The following CTNND2 variants were observed in gnomAD, a reference collection of about 807,000 sequenced individuals.
The protein encoded by CTNND2 is catenin delta 2.
Under a neutral mutation model 144.4 loss-of-function variants are expected in CTNND2, and 22 were observed. The observed-to-expected ratio is 0.15, with a 90% CI of 0.11 to 0.22. The LOEUF (loss-of-function observed/expected upper bound fraction) is 0.22. CTNND2 is among the 10% of genes least tolerant of loss of function. The probability of loss-of-function intolerance (pLI) is 1.00; values close to 1 mark genes in which losing one functional copy is unlikely to be tolerated. For synonymous variants in CTNND2, 751 were observed against 695.6 expected, an observed-to-expected ratio of 1.08 and a Z score of -1.25; for missense variants, 1,353 against 1,618.8, an observed-to-expected ratio of 0.84 and a Z score of 2.82.
At chr5:11,398,645 G>GAAGA (rs1020284266) in intron 5 of CTNND2, among the ~76,000 whole-genome samples, 2 of 152,014 alleles carry the variant, frequency 1.3e-5, no homozygotes, top group African/African-American at 4.8e-5. Flanking sequence ...ACTTCATCAT[G>GAAGA]AAGGGTGTAA....
At chr5:11,459,253 G>A (rs999668676) in intron 3 of CTNND2, among the ~76,000 whole-genome samples, 2 of 152,110 alleles carry the variant, frequency 1.3e-5, no homozygotes. Context: ...CAATGCTGTC[G>A]ATGATGAAAA....
intron 1 of CTNND2, among the ~76,000 whole-genome samples, chr5:11,794,907 A>T (rs1368405168): frequency 6.6e-6 from 1 of 152,042 alleles, no homozygotes; most frequent in Admixed American, 6.6e-5. Context: ...AACACAAAAA[A>T]CTCATGGTAT....
intron 16 of CTNND2, chr5:11,027,408 C>T (rs1161259999): frequency 3.9e-5 from 6 of 152,188 alleles, no homozygotes; most frequent in Non-Finnish European, 8.8e-5. Context: ...TTTCTTGCTA[C>T]AGTTCCCAAT....
At chr5:11,092,754 T>C (rs1750897608) in intron 15 of CTNND2, among the ~76,000 whole-genome samples, 1 of 152,228 alleles carries the variant, frequency 6.6e-6, no homozygotes, top group Non-Finnish European at 1.5e-5. Flanking sequence ...AAAACTCTGT[T>C]TCTTTACATT....
intron 16 of CTNND2, among the ~76,000 whole-genome samples, chr5:11,065,375 C>T (rs1483286086): frequency 6.6e-6 from 1 of 152,244 alleles, no homozygotes; most frequent in African/African-American, 2.4e-5. Context: ...AGCACAGTCA[C>T]ACATATGTGT....
chr5:11,562,073 G>A (rs1234847283), intron 3 of CTNND2, among the ~76,000 whole-genome samples: 1 of 151,940 alleles, frequency 6.6e-6, no homozygotes, highest in Admixed American at 6.6e-5. Flanking sequence ...GAGAGATCTT[G>A]GGAATCAGAT....
intron 3 of CTNND2, among the ~76,000 whole-genome samples, chr5:11,444,212 C>T (rs1020971652): frequency 1.3e-5 from 2 of 152,150 alleles, no homozygotes; most frequent in Admixed American, 1.3e-4. Flanking sequence ...AATTACTGGG[C>T]TGCTGGAGAA....
intron 3 of CTNND2, among the ~76,000 whole-genome samples, chr5:11,459,116 C>T (rs78730448): frequency 0.031 from 4,704 of 152,094 alleles, 253 homozygotes; most frequent in African/African-American, 0.11. Flanking sequence ...GAAAATTAAA[C>T]GAGACAATAC....
intron 1 of CTNND2, among the ~76,000 whole-genome samples, chr5:11,818,929 C>T (rs1196151863): frequency 6.6e-6 from 1 of 152,036 alleles, no homozygotes; most frequent in African/African-American, 2.4e-5. Flanking sequence ...GGGAAGCAGG[C>T]ACCATGTGTC....
chr5:11,536,661 T>C (rs1774242620), intron 3 of CTNND2, among the ~76,000 whole-genome samples: 1 of 151,982 alleles, frequency 6.6e-6, no homozygotes. Flanking sequence ...CACTTGCAAG[T>C]TGGAGTTAAG....
rs547329207 is a variant in CTNND2, at chr5:11,541,840, C to G, written c.287+23104G>C. On this transcript the variant is annotated intron_variant, in intron 3 of 21. Transcript: ENST00000304623. ...TGTCAACTTATTATTTATTATCGAC[C>G]CCCCCCCCCCGGCCAAAAGCCTTTT... Among the ~76,000 whole-genome samples the G allele has an allele frequency of 8.2e-3, 728 of 88,370 alleles. 21 individuals are homozygous for G. The highest frequency in any genetic ancestry group is 0.027 in the African/African-American group (683 of 25,612). 58.0% of individuals were successfully genotyped at this position (88,370 alleles called of 152,430 possible).
intron 10 of CTNND2, among the ~76,000 whole-genome samples, chr5:11,215,048 T>G (rs959882014): frequency 2.0e-5 from 3 of 152,240 alleles, no homozygotes; most frequent in Admixed American, 6.5e-5. Context: ...TCCACAGGGC[T>G]GAGAGGAGTG....
chr5:11,089,083 T>A (rs934061176), intron 15 of CTNND2, among the ~76,000 whole-genome samples: 9 of 152,178 alleles, frequency 5.9e-5, no homozygotes, highest in Non-Finnish European at 1.2e-4. Context: ...ACAACAGCAG[T>A]CCTCTAAGTC....
At chr5:11,290,129 A>G (rs993636391) in intron 9 of CTNND2, among the ~76,000 whole-genome samples, 4 of 152,190 alleles carry the variant, frequency 2.6e-5, no homozygotes, top group Admixed American at 6.5e-5. Flanking sequence ...AGTGGAGAAT[A>G]GCAGCATTTT....
intron 2 of CTNND2, among the ~76,000 whole-genome samples, chr5:11,591,421 T>C (rs1779232783): frequency 6.6e-6 from 1 of 152,174 alleles, no homozygotes; most frequent in South Asian, 2.1e-4. Context: ...AGCTCCTAGT[T>C]ATCTCTCTTC....
chr5:11,685,721 T>C (rs1784618056), intron 2 of CTNND2, among the ~76,000 whole-genome samples: 1 of 152,230 alleles, frequency 6.6e-6, no homozygotes. Context: ...TGCAATTTAA[T>C]GAATACTTGC....
intron 2 of CTNND2, among the ~76,000 whole-genome samples, chr5:11,698,267 G>A (rs1002910788): frequency 6.6e-6 from 1 of 151,258 alleles, no homozygotes; most frequent in African/African-American, 2.4e-5. Context: ...TGTATTTCTT[G>A]TATTAAAGCA....
In CTNND2 at chr5:11,384,840, G is replaced by A; in HGVS notation, c.1002C>T (p.Pro334=). 6.2e-7 allele frequency: 1 copy of A among 1,613,092 alleles called. No individual in the cohort carries two copies. Among genetic ancestry groups the A allele is most frequent in the Non-Finnish European group, 8.5e-7 (1 of 1,179,708 alleles). Residue 334 remains proline (P), a synonymous_variant, in exon 7 of 22, where the codon CCC becomes CCT. Coordinates refer to ENST00000304623, the MANE Select transcript of CTNND2 (RefSeq NM_001332.4). This position sits in a 1 kb window ranked among gnomAD's most constrained non-coding sequence, Gnocchi z 5.2. ...AGLSPIRVTS[P]PTVQSTISSS... ...AGGAGATGGTGGACTGCACGGTGGGGGGCGAGGTCACGCGGATCGGGGACA... is the reference window on the plus strand; with the variant it reads ...AGGAGATGGTGGACTGCACGGTGGGAGGCGAGGTCACGCGGATCGGGGACA...
chr5:11,673,647 C>A (rs905613028), intron 2 of CTNND2, among the ~76,000 whole-genome samples: 1 of 152,122 alleles, frequency 6.6e-6, no homozygotes, highest in East Asian at 1.9e-4. Context: ...TGGCCTCAAG[C>A]CCAAAGCACC....
Sources: allele counts gnomAD v4.1 joint callset (sites outside exome capture counted in the v4.1 genomes callset), GRCh38; gene constraint gnomAD v4.1.1; non-coding constraint Gnocchi (gnomAD v3.1); transcripts MANE v1.5; gene names NCBI Gene and HGNC (gene_info 2026-07-23, HGNC 2026-07-21).